SH3BGRL: variants seen among roughly 807,000 people sequenced by gnomAD.
SH3BGRL encodes SH3 domain binding glutamate rich protein like.
Under a neutral mutation model 9.8 loss-of-function variants are expected in SH3BGRL, and 7 were observed. The observed-to-expected ratio is 0.72, with a 90% CI of 0.41 to 1.35. The LOEUF is 1.35. Ranked by LOEUF, SH3BGRL falls within the 40% of genes most tolerant of loss-of-function variation. The pLI, the probability that SH3BGRL is intolerant of heterozygous loss-of-function variation, is 0.01. For missense variants in SH3BGRL, 73 were observed against 84.4 expected (o/e 0.86, Z 0.53); for synonymous variants, 36 against 29.1 (o/e 1.24, Z -0.76).
At chrX:81,221,425 G>T (rs5959086) in intron 1 of SH3BGRL, among the ~76,000 whole-genome samples, 24,880 of 111,021 alleles carry the variant, frequency 0.22, 2,222 homozygotes, top group East Asian at 0.7. Flanking sequence ...CTGCTCAATG[G>T]TTGCCTTTGG....
At chrX:81,252,083 A>G (rs1033887865) in intron 1 of SH3BGRL, among the ~76,000 whole-genome samples, 1 of 112,211 alleles carries the variant, frequency 8.9e-6, no homozygotes, top group Admixed American at 9.5e-5. Context: ...GCAGTATTCT[A>G]TGATGAAGAA....
chrX:81,209,288 G>A (rs2075556629), intron 1 of SH3BGRL, among the ~76,000 whole-genome samples: 1 of 111,319 alleles, frequency 9.0e-6, no homozygotes, highest in African/African-American at 3.3e-5. Flanking sequence ...GATTACACGC[G>A]TGAGCCACCA....
intron 1 of SH3BGRL, among the ~76,000 whole-genome samples, chrX:81,210,319 A>C (rs1569356399): frequency 9.0e-6 from 1 of 111,569 alleles, no homozygotes; most frequent in Non-Finnish European, 1.9e-5. Context: ...TATATATTTA[A>C]TAGTAGTTGT....
chrX:81,259,359 C>A (rs1490036804), intron 1 of SH3BGRL, among the ~76,000 whole-genome samples: 1 of 111,825 alleles, frequency 8.9e-6, no homozygotes, highest in African/African-American at 3.2e-5. Context: ...AAATAATCAT[C>A]ATTTCATAGC....
chrX:81,249,722 G>A (rs58237160), intron 1 of SH3BGRL, among the ~76,000 whole-genome samples: 1,555 of 112,089 alleles, frequency 0.014, 34 homozygotes, highest in African/African-American at 0.048. Context: ...ACGGTTATCC[G>A]TTTGTGTTTT....
intron 1 of SH3BGRL, among the ~76,000 whole-genome samples, chrX:81,209,260 G>A (rs1004126211): frequency 3.6e-5 from 4 of 110,394 alleles, no homozygotes; most frequent in African/African-American, 1.3e-4. Context: ...CGCCCTCCTC[G>A]ACCTTCCAAA....
rs7049746 is a variant in SH3BGRL, at chrX:81,231,210, G to A, written c.45+28965G>A. Among the ~76,000 whole-genome samples, 353 of 112,016 alleles carry A rather than the reference G, an allele frequency of 3.2e-3. 1 individual carries two copies. Among genetic ancestry groups the A allele is most frequent in the Middle Eastern group, 9.3e-3 (2 of 214 alleles). ...ATCTCTTAGGAAAACAAAAGCTTCC[G>A]CCAATAAGAATGGCACATTTCATCA... On this transcript the variant is annotated intron_variant, in intron 1 of 3. Coordinates refer to ENST00000373212, the MANE Select transcript of SH3BGRL (RefSeq NM_003022.3).
chrX:81,207,276 T>C (rs1401087814), intron 1 of SH3BGRL, among the ~76,000 whole-genome samples: 1 of 112,297 alleles, frequency 8.9e-6, no homozygotes, highest in Admixed American at 9.5e-5. Context: ...GATGATTTCT[T>C]AGGGTTTTAA....
At chrX:81,279,516 A>G (rs997996841) in intron 3 of SH3BGRL, among the ~76,000 whole-genome samples, 1 of 111,190 alleles carries the variant, frequency 9.0e-6, no homozygotes, top group Non-Finnish European at 1.9e-5. Flanking sequence ...TGAGTGCCCC[A>G]ACTGAGGAAG....
At chrX:81,293,831 A>G (rs978856850) in intron 3 of SH3BGRL, among the ~76,000 whole-genome samples, 2 of 112,200 alleles carry the variant, frequency 1.8e-5, no homozygotes, top group African/African-American at 6.5e-5. Context: ...TGATGGTGAT[A>G]TGGACAATAA....
chrX:81,209,030 C>T (rs1450236911), intron 1 of SH3BGRL, among the ~76,000 whole-genome samples: 2 of 79,782 alleles, frequency 2.5e-5, no homozygotes, highest in African/African-American at 5.4e-5. Context: ...TTTTTTAAGA[C>T]GGAGTCTCAC....
intron 3 of SH3BGRL, among the ~76,000 whole-genome samples, chrX:81,293,959 T>A (rs1352855131): frequency 1.8e-5 from 2 of 111,442 alleles, no homozygotes; most frequent in Non-Finnish European, 1.9e-5. Context: ...CCCTAGGGAT[T>A]TATAGAACTT....
intron 1 of SH3BGRL, among the ~76,000 whole-genome samples, chrX:81,249,455 A>T (rs745332364): frequency 1.9e-4 from 21 of 111,900 alleles, no homozygotes; most frequent in African/African-American, 6.2e-4. Flanking sequence ...AATTTTCCTC[A>T]CTGTTTTCCT....
intron 3 of SH3BGRL, among the ~76,000 whole-genome samples, chrX:81,292,134 A>T (rs190094100): frequency 9.0e-6 from 1 of 111,523 alleles, no homozygotes; most frequent in Non-Finnish European, 1.9e-5. Context: ...GGGGGCTCCA[A>T]CCCCACATTT....
At chrX:81,256,727 G>T (rs538150148) in intron 1 of SH3BGRL, among the ~76,000 whole-genome samples, 3 of 112,083 alleles carry the variant, frequency 2.7e-5, no homozygotes, top group African/African-American at 9.7e-5. Flanking sequence ...CAACTATATT[G>T]CTTTCTTTAA....
intron 3 of SH3BGRL, among the ~76,000 whole-genome samples, chrX:81,280,124 C>G (rs1239566448): frequency 1.8e-5 from 2 of 110,545 alleles, no homozygotes; most frequent in Non-Finnish European, 3.8e-5. Flanking sequence ...GTATAGAACT[C>G]CAGTGACCTG....
intron 3 of SH3BGRL, among the ~76,000 whole-genome samples, chrX:81,286,658 G>A (rs924969954): frequency 2.7e-5 from 3 of 110,431 alleles, no homozygotes; most frequent in African/African-American, 6.6e-5. Flanking sequence ...CTTTAGAGAG[G>A]ATAATTTAAG....
intron 1 of SH3BGRL, among the ~76,000 whole-genome samples, chrX:81,228,733 C>A (rs913825763): frequency 1.8e-5 from 2 of 111,501 alleles, no homozygotes; most frequent in African/African-American, 6.5e-5. Context: ...ATAGTTAATT[C>A]ACATTACTTT....
chrX:81,284,784 G>A (rs2075829157), intron 3 of SH3BGRL, among the ~76,000 whole-genome samples: 3 of 110,386 alleles, frequency 2.7e-5, no homozygotes, highest in South Asian at 7.6e-4. Flanking sequence ...CTAGGGAATA[G>A]GCTAAGATCA....
Sources: allele counts gnomAD v4.1 joint callset (sites outside exome capture counted in the v4.1 genomes callset), GRCh38; gene constraint gnomAD v4.1.1; transcripts MANE v1.5; gene names NCBI Gene and HGNC (gene_info 2026-07-23, HGNC 2026-07-21).